MAP3K20: variants seen among roughly 807,000 people sequenced by gnomAD.
MAP3K20 encodes the protein mitogen-activated protein kinase kinase kinase 20.
A neutral mutation model predicts 85.7 loss-of-function variants in MAP3K20; 40 were observed. The ratio of observed to expected loss-of-function variants is 0.47; its 90% CI spans 0.36 to 0.61. The LOEUF is 0.61. MAP3K20 is among the 20% of genes least tolerant of loss of function. The pLI is 0.00. For missense variants in MAP3K20, 817 were observed against 961.7 expected (o/e 0.85, Z 1.99); for synonymous variants, 325 against 327.7 (o/e 0.99, Z 0.09).
intron 12 of MAP3K20, among the ~76,000 whole-genome samples, chr2:173,231,027 C>T (rs541161833): frequency 1.3e-5 from 2 of 152,212 alleles, no homozygotes; most frequent in African/African-American, 4.8e-5. Context: ...TTCTATAAAA[C>T]TCAGGGACTT....
chr2:173,214,156 A>G (rs917745751), intron 10 of MAP3K20: 1 of 151,944 alleles, frequency 6.6e-6, no homozygotes, highest in Non-Finnish European at 1.5e-5. Flanking sequence ...TTAAAACTAC[A>G]TTATTAAAAA....
chr2:173,201,476 C>CAGAAATCTTCATAAGACTTAATCCACT (rs1691058708), intron 8 of MAP3K20, among the ~76,000 whole-genome samples: 1 of 152,054 alleles, frequency 6.6e-6, no homozygotes, highest in Non-Finnish European at 1.5e-5. Context: ...ATTTGACTAA[C>CAGAAATCTTCATAAGACTTAATCCACT]AGAAATCTTC....
At chr2:173,255,263 C>G (rs1043227900) in intron 16 of MAP3K20, among the ~76,000 whole-genome samples, 1 of 152,152 alleles carries the variant, frequency 6.6e-6, no homozygotes, top group South Asian at 2.1e-4. Context: ...GTCCTTCTTC[C>G]GCCTGCCTGT....
At chr2:173,085,022 A>G (rs1687108601) in intron 1 of MAP3K20, among the ~76,000 whole-genome samples, 2 of 152,350 alleles carry the variant, frequency 1.3e-5, no homozygotes, top group Middle Eastern at 3.4e-3. Flanking sequence ...GTCAAATACT[A>G]TGCAAACTTG....
At chr2:173,076,600 C>T (rs1686869334) in intron 1 of MAP3K20, among the ~76,000 whole-genome samples, 1 of 152,262 alleles carries the variant, frequency 6.6e-6, no homozygotes, top group Admixed American at 6.5e-5. Context: ...TTAGGCCATG[C>T]GAATAACCAG....
At chr2:173,176,689 G>C (rs918270765) in intron 3 of MAP3K20, among the ~76,000 whole-genome samples, 1 of 152,110 alleles carries the variant, frequency 6.6e-6, no homozygotes, top group Non-Finnish European at 1.5e-5. Context: ...TTTAAACCCA[G>C]CTGTATCAAT....
intron 1 of MAP3K20, among the ~76,000 whole-genome samples, chr2:173,078,626 A>G (rs1047187511): frequency 6.6e-6 from 1 of 152,176 alleles, no homozygotes; most frequent in African/African-American, 2.4e-5. Flanking sequence ...GCTGTTAAGT[A>G]ATCCCAGCAC....
At chr2:173,078,263 A>G (rs1051345196) in intron 1 of MAP3K20, among the ~76,000 whole-genome samples, 1 of 152,230 alleles carries the variant, frequency 6.6e-6, no homozygotes, top group Non-Finnish European at 1.5e-5. Flanking sequence ...TTGGAATAAG[A>G]TAGCCCTATG....
Position 173,147,736 on chromosome 2 carries a change from GC to G in MAP3K20, c.160-22067del, listed in dbSNP as rs370223349. ...TGAGTAGCTGGGACTACAGGCGCCT[GC>G]CACCACGCCCGGCTAATTTTTGTAT... On this transcript the variant is annotated intron_variant, in intron 2 of 19. Transcript: ENST00000375213. Among the ~76,000 whole-genome samples, 78 of 152,114 alleles carry G rather than the reference GC, an allele frequency of 5.1e-4. 1 individual carries two copies. The South Asian group carries it at 8.7e-3, about 17-fold the overall frequency.
intron 2 of MAP3K20, among the ~76,000 whole-genome samples, chr2:173,100,285 CTCT>C (rs1157496565): frequency 6.6e-6 from 1 of 152,188 alleles, no homozygotes; most frequent in Non-Finnish European, 1.5e-5. Flanking sequence ...CACCATTGCC[CTCT>C]TCTTCTTCAC....
intron 2 of MAP3K20, among the ~76,000 whole-genome samples, chr2:173,141,478 G>A (rs895934016): frequency 6.6e-6 from 1 of 152,074 alleles, no homozygotes; most frequent in Non-Finnish European, 1.5e-5. Flanking sequence ...GAAGGCAAAA[G>A]AAAAGGTCAG....
Position 173,232,329 on chromosome 2 carries a change from C to T in MAP3K20, c.1073C>T (p.Ser358Leu). The T allele has an allele frequency of 6.2e-7, 1 of 1,614,184 alleles. No individual in the cohort carries two copies. The highest frequency in any genetic ancestry group is 8.5e-7 in the Non-Finnish European group (1 of 1,180,024). Residue 358 changes from serine (S) to leucine (L), a missense_variant, in exon 14 of 20, where the codon TCA becomes TTA. Ser to Leu is a moderately radical substitution (Grantham distance 145). Coordinates refer to ENST00000375213, the MANE Select transcript of MAP3K20 (RefSeq NM_016653.3). ...TAATCACTTCCTTCAGGTGACTCTTCAGCAGAGATGAGTGTATATGCAAGC... is the reference window on the plus strand; with the variant it reads ...TAATCACTTCCTTCAGGTGACTCTTTAGCAGAGATGAGTGTATATGCAAGC... ...VQQLVRKGDS[S>L]AEMSVYASLF...
chr2:173,238,354 C>A lies in MAP3K20; in HGVS notation c.1204-19C>A. 1 of 1,600,976 alleles carries A rather than the reference C, an allele frequency of 6.2e-7. No homozygotes were observed. The highest frequency in any genetic ancestry group is 8.6e-7 in the Non-Finnish European group (1 of 1,169,530). ...GGTATTACTGGATCATTAATAAAGT[C>A]ATATGATTTTTTTTACAGTCAGCCA... On this transcript the variant is annotated intron_variant, in intron 14 of 19. Transcript: ENST00000375213.
In MAP3K20 at chr2:173,108,133, AT is replaced by A. The variant is rs66464923; in HGVS notation, c.159+16954del. 6.7e-4 allele frequency among the ~76,000 whole-genome samples: 87 copies of A among 129,000 alleles called. 1 individual carries two copies. The highest frequency in any genetic ancestry group is 3.8e-3 in the South Asian group (14 of 3,708). The allele number at this position is 129,000 out of a possible 152,430, so 84.6% of individuals were successfully genotyped here. A position where few individuals can be genotyped will look rare whatever the true frequency, so the allele number is the denominator to read the frequency against. ...TTTTGTGTTATAAACTGGGATTTTTATTTTTTTTTTTATTTTTTTTTGAGAT... is the reference window on the plus strand; with the variant it reads ...TTTTGTGTTATAAACTGGGATTTTTATTTTTTTTTTATTTTTTTTTGAGAT... On this transcript the variant is annotated intron_variant, in intron 2 of 19. Transcript: ENST00000375213.
chr2:173,080,401 A>G (rs539582792), intron 1 of MAP3K20, among the ~76,000 whole-genome samples: 2 of 152,328 alleles, frequency 1.3e-5, no homozygotes, highest in African/African-American at 2.4e-5. Flanking sequence ...TTTACAAGGA[A>G]CAAGGGTAAT....
chr2:173,206,992 T>G (rs1275990805), intron 9 of MAP3K20, among the ~76,000 whole-genome samples: 2 of 135,094 alleles, frequency 1.5e-5, no homozygotes, highest in Non-Finnish European at 3.1e-5. Context: ...GATTAAAATA[T>G]TCAGCCCACC....
chr2:173,194,005 C>T (rs1194526721), intron 7 of MAP3K20, among the ~76,000 whole-genome samples: 4 of 152,126 alleles, frequency 2.6e-5, no homozygotes, highest in Non-Finnish European at 5.9e-5. Flanking sequence ...AGAACCTGTC[C>T]ACCCCATCAT....
At chr2:173,224,398 T>C in intron 11 of MAP3K20, 1 of 985,308 alleles carries the variant, frequency 1.0e-6, no homozygotes, top group African/African-American at 1.7e-5. Context: ...TAAATCCATA[T>C]GATTATACAT....
At chr2:173,130,276 A>G (rs561697668) in intron 2 of MAP3K20, among the ~76,000 whole-genome samples, 2 of 152,344 alleles carry the variant, frequency 1.3e-5, no homozygotes, top group African/African-American at 4.8e-5. Context: ...TATGGAAAAC[A>G]ATTGTCTAGA....
Sources: allele counts gnomAD v4.1 joint callset (sites outside exome capture counted in the v4.1 genomes callset), GRCh38; gene constraint gnomAD v4.1.1; transcripts MANE v1.5; gene names NCBI Gene and HGNC (gene_info 2026-07-23, HGNC 2026-07-21).